U2SURP: variants seen among roughly 807,000 people sequenced by gnomAD.
U2SURP encodes the protein U2 snRNP-associated SURP motif-containing protein.
Under a neutral mutation model 144.9 loss-of-function variants are expected in U2SURP, and 9 were observed. The ratio of observed to expected loss-of-function variants is 0.06; its 90% CI spans 0.04 to 0.11. The LOEUF (loss-of-function observed/expected upper bound fraction) is 0.11, where lower values mean the gene tolerates loss of function less well. Among genes scored for constraint, U2SURP ranks in the 10% least tolerant of loss-of-function variants. The pLI is 1.00. For missense variants in U2SURP, 724 were observed against 1,226.7 expected, an observed-to-expected ratio of 0.59 and a Z score of 6.12; for synonymous variants, 408 against 396.8, an observed-to-expected ratio of 1.03 and a Z score of -0.33.
intron 23 of U2SURP, among the ~76,000 whole-genome samples, chr3:143,040,957 TGGTA>T (rs1313353139): frequency 1.3e-5 from 2 of 151,862 alleles, no homozygotes; most frequent in Non-Finnish European, 3.0e-5. Context: ...TCAATGTCAT[TGGTA>T]TTATGCCATT....
At chr3:143,052,399 A>AT (rs1464867024) in intron 25 of U2SURP, among the ~76,000 whole-genome samples, 13 of 3,386 alleles carry the variant, frequency 3.8e-3, no homozygotes, top group Admixed American at 0.025. Flanking sequence ...TCTGTCTAAA[A>AT]AAATAATAAT....
intron 13 of U2SURP, among the ~76,000 whole-genome samples, chr3:143,025,450 A>G (rs956197049): frequency 7.9e-5 from 12 of 152,242 alleles, no homozygotes; most frequent in Admixed American, 5.2e-4. Flanking sequence ...TAATTCACAC[A>G]AGTTTCTGGA....
At chr3:143,028,786 T>G in intron 16 of U2SURP, 140 bp downstream of exon 16, 1 of 711,066 alleles carries the variant, frequency 1.4e-6, no homozygotes, top group Non-Finnish European at 2.3e-6. Flanking sequence ...TCTTTCATCA[T>G]GTGCTTTATA....
At chr3:143,053,578 A>G (rs978483323) in intron 25 of U2SURP, 98 bp from the exon 26 acceptor site, 2 of 928,030 alleles carry the variant, frequency 2.2e-6, no homozygotes, top group African/African-American at 3.3e-5. Context: ...TAGTAATTTA[A>G]AAAATTATTT....
rs987469035 is a variant in U2SURP at position 143,059,216 on chromosome 3, T to G, written c.*2766T>G. The G allele has an allele frequency of 5.3e-5, 8 of 152,348 alleles. No individual in the cohort carries two copies. Among genetic ancestry groups the G allele is most frequent in the African/African-American group, 1.9e-4 (8 of 41,448 alleles). 9.4% of individuals were successfully genotyped at this position (152,348 alleles called of 1,614,324 possible). A position where few individuals can be genotyped will look rare whatever the true frequency, so the allele number is the denominator to read the frequency against. Reference sequence around the variant, plus strand: ...AACTAACACAACAAAAGGCGCTGAATCAAAAGATCTTTGCTTTTATTTGGC... The same window carrying G: ...AACTAACACAACAAAAGGCGCTGAAGCAAAAGATCTTTGCTTTTATTTGGC... On this transcript the variant is annotated 3_prime_UTR_variant, in exon 28 of 28. Transcript: ENST00000473835.
intron 27 of U2SURP, 30 bp downstream of exon 27, chr3:143,055,149 C>T (rs1462677869): frequency 1.7e-5 from 25 of 1,509,674 alleles, no homozygotes; most frequent in East Asian, 2.5e-5. Flanking sequence ...GCTAATATTT[C>T]AGATACCAGT....
chr3:143,044,240 A>G (rs986454028), intron 24 of U2SURP, among the ~76,000 whole-genome samples: 38 of 148,392 alleles, frequency 2.6e-4, no homozygotes, highest in African/African-American at 9.4e-4. Flanking sequence ...AGCCCAGACT[A>G]TCTCAGGCAG....
In U2SURP at chr3:143,060,175, C is replaced by T. The variant is rs915588366; in HGVS notation, c.*3725C>T. ...TTGTAGATTGTAGATTAAATGCACT[C>T]ATCATGTCACATGTAATTGTGCTTG... On this transcript the variant is annotated 3_prime_UTR_variant, in exon 28 of 28. Coordinates refer to ENST00000473835, the MANE Select transcript of U2SURP (RefSeq NM_001080415.2). 1.3e-5 allele frequency: 2 copies of T among 152,348 alleles called. No individual in the cohort carries two copies. Among genetic ancestry groups the T allele is most frequent in the Non-Finnish European group, 2.9e-5 (2 of 67,848 alleles). 9.4% of individuals were successfully genotyped at this position (152,348 alleles called of 1,614,324 possible).
At position 143,017,781 on chromosome 3, in the gene U2SURP, C is replaced by T. The variant is rs149096886; in HGVS notation, c.570+806C>T. Reference sequence around the variant, plus strand: ...ACTACAGGCAATGTAGTCCCATGCCCAGCTAATTTTTTGGTATTTTTTTGT... The same window carrying T: ...ACTACAGGCAATGTAGTCCCATGCCTAGCTAATTTTTTGGTATTTTTTTGT... On this transcript the variant is annotated intron_variant, in intron 6 of 27. Transcript: ENST00000473835. Among the ~76,000 whole-genome samples the T allele has an allele frequency of 2.7e-4, 41 of 152,122 alleles. No homozygotes were observed. The East Asian group carries it at 3.9e-3, about 14-fold the overall frequency.
intron 13 of U2SURP, chr3:143,026,843 ATAATT>A (rs1394265495): frequency 5.4e-6 from 1 of 184,106 alleles, no homozygotes; most frequent in African/African-American, 2.3e-5. Flanking sequence ...GTTGTGATTT[ATAATT>A]TAATGTTTTA....
intron 13 of U2SURP, 31 bp downstream of exon 13, chr3:143,024,049 A>G: frequency 1.3e-6 from 2 of 1,561,180 alleles, no homozygotes; most frequent in Non-Finnish European, 1.8e-6. Context: ...TTACTGATCT[A>G]AATATAGACA....
At chr3:143,028,093 A>C (rs906433582) in intron 14 of U2SURP, among the ~76,000 whole-genome samples, 1 of 152,148 alleles carries the variant, frequency 6.6e-6, no homozygotes, top group Admixed American at 6.6e-5. Context: ...TGTTCAGTGA[A>C]AACGATCATA....
intron 27 of U2SURP, 144 bp from the exon 28 acceptor site, chr3:143,056,168 G>A (rs1018146306): frequency 5.3e-6 from 4 of 761,466 alleles, no homozygotes; most frequent in African/African-American, 3.5e-5. Flanking sequence ...GTGTACAATA[G>A]AGTTTAAATT....
At chr3:143,004,637 C>T (rs1176270311) in intron 1 of U2SURP, among the ~76,000 whole-genome samples, 1 of 141,358 alleles carries the variant, frequency 7.1e-6, no homozygotes, top group Non-Finnish European at 1.5e-5. Context: ...CCGTGCCTGG[C>T]TTCTAGTTTT....
intron 8 of U2SURP, among the ~76,000 whole-genome samples, 164 bp downstream of exon 8, chr3:143,020,857 T>C (rs143084531): frequency 1.3e-5 from 2 of 151,906 alleles, no homozygotes; most frequent in Non-Finnish European, 2.9e-5. Context: ...AATTAATTTG[T>C]AAATTAGGCA....
Position 143,055,065 on chromosome 3 carries a change from G to A in U2SURP, c.2897G>A (p.Arg966Gln). ...GAAAGATCTCATAAAGAGAGCTCAC[G>A]GTCCAGGTCATCTCACAAAGATTCT... The part of the protein sequence containing the change: ...RSERSHKESS[R>Q]SRSSHKDSPR... The change falls in exon 27 of 28, where the codon CGG (arginine) becomes CAG (glutamine). Residue 966 changes from arginine (R) to glutamine (Q), a missense_variant. Arg to Gln is a conservative substitution (Grantham distance 43). Around this residue, in one of 13 missense-constraint regions of U2SURP, gnomAD observed 129 missense variants for 196.1 expected, o/e 0.66. Coordinates refer to ENST00000473835, the MANE Select transcript of U2SURP (RefSeq NM_001080415.2). The A allele has an allele frequency of 6.2e-7, 1 of 1,607,126 alleles. No individual in the cohort carries two copies. The highest frequency in any genetic ancestry group is 8.5e-7 in the Non-Finnish European group (1 of 1,177,154).
At chr3:143,055,704 A>G (rs1215221305) in intron 27 of U2SURP, among the ~76,000 whole-genome samples, 1 of 152,168 alleles carries the variant, frequency 6.6e-6, no homozygotes, top group Admixed American at 6.5e-5. Flanking sequence ...TAAAATCTTT[A>G]CAGAATAGAT....
chr3:143,031,655 T>C (rs1347211044), intron 16 of U2SURP, among the ~76,000 whole-genome samples: 1 of 152,246 alleles, frequency 6.6e-6, no homozygotes, highest in Admixed American at 6.5e-5. Flanking sequence ...TAAACATAAC[T>C]TTTACATGCA....
At chr3:143,044,810 T>A (rs978656141) in intron 24 of U2SURP, among the ~76,000 whole-genome samples, 4 of 152,218 alleles carry the variant, frequency 2.6e-5, no homozygotes, top group African/African-American at 9.6e-5. Context: ...TGATAAAAGT[T>A]CTTGCCCACC....
Sources: gnomAD v4.1 joint callset for allele counts (sites outside exome capture counted in the v4.1 genomes callset) on GRCh38, gnomAD v4.1.1 for gene constraint, gnomAD v4.1.1 regional missense constraint, MANE v1.5 for transcripts, NCBI Gene and HGNC (gene_info 2026-07-23, HGNC 2026-07-21) for gene names.